SLC5A4: variants seen among roughly 807,000 people sequenced by gnomAD.
SLC5A4 encodes the protein solute carrier family 5 member 4.
A neutral mutation model predicts 70.3 loss-of-function variants in SLC5A4; 55 were observed. The observed-to-expected ratio is 0.78, with a 90% CI of 0.63 to 0.98. The LOEUF (loss-of-function observed/expected upper bound fraction) is 0.98. Ranked by LOEUF, SLC5A4 falls within the 50% of genes least tolerant of loss-of-function variation. SLC5A4 has a pLI of 0.00. For missense variants in SLC5A4, 735 were observed against 839.2 expected, an observed-to-expected ratio of 0.88 and a Z score of 1.53; for synonymous variants, 268 against 305.7, an observed-to-expected ratio of 0.88 and a Z score of 1.29.
rs780545498 is a variant in SLC5A4 at position 32,224,483 on chromosome 22, CTGCAAA to C, written c.1450-7_1450-2del. 1.2e-5 allele frequency: 19 copies of C among 1,608,328 alleles called. No homozygotes were observed. Among genetic ancestry groups the C allele is most frequent in the Non-Finnish European group, 1.6e-5 (19 of 1,175,182 alleles). On this transcript the variant is annotated splice_acceptor_variant and splice_polypyrimidine_tract_variant and intron_variant, in intron 12 of 14. Transcript: ENST00000266086. LOFTEE classifies it high-confidence loss of function. ...CAACCATTAGACCCCAGAATGCTCC[CTGCAAA>C]AGAAGCAAGAAGAAAATCAGAATGT...
At chr22:32,237,054 T>C (rs1245585276) in intron 7 of SLC5A4, among the ~76,000 whole-genome samples, 190 bp downstream of exon 7, 1 of 152,130 alleles carries the variant, frequency 6.6e-6, no homozygotes, top group African/African-American at 2.4e-5. Flanking sequence ...CCACCATCCA[T>C]TTCCTCATGC....
chr22:32,312,494 T>C, the SLC5A4 span, among the ~76,000 whole-genome samples: 3 of 152,064 alleles, frequency 2.0e-5, no homozygotes, highest in Non-Finnish European at 4.4e-5. Flanking sequence ...CAGGCCTCAA[T>C]CCTCCTGGCT....
At chr22:32,343,876 T>G in the SLC5A4 span, among the ~76,000 whole-genome samples, 273 of 152,330 alleles carry the variant, frequency 1.8e-3, 1 homozygote, top group Middle Eastern at 6.8e-3. Flanking sequence ...TTCCACTGGT[T>G]TGTTATATTG....
Position 32,235,083 on chromosome 22 carries a change from T to A in SLC5A4, c.675A>T (p.Glu225Asp). The A allele has an allele frequency of 6.2e-7, 1 of 1,612,156 alleles. No homozygotes were observed. The highest frequency in any genetic ancestry group is 8.5e-7 in the Non-Finnish European group (1 of 1,178,798). Residue 225 changes from glutamate to aspartate, a missense_variant, in exon 8 of 15, where the codon GAA becomes GAT. By Grantham distance (45) the Glu-to-Asp change is conservative. Coordinates refer to ENST00000266086, the MANE Select transcript of SLC5A4 (RefSeq NM_014227.3). ...SFILMGFAFN[E>D]VGGYESFTEK... ...CGGTAAAGCTCTCATAACCTCCAACTTCGTTAAATGCTAAAAAGGCATCAG... is the reference window on the plus strand; with the variant it reads ...CGGTAAAGCTCTCATAACCTCCAACATCGTTAAATGCTAAAAAGGCATCAG...
At chr22:32,318,314 C>G in the SLC5A4 span, among the ~76,000 whole-genome samples, 1 of 151,954 alleles carries the variant, frequency 6.6e-6, no homozygotes, top group Non-Finnish European at 1.5e-5. Flanking sequence ...GCCTCAAACT[C>G]TCATCTAAAC....
the SLC5A4 span, among the ~76,000 whole-genome samples, chr22:32,338,737 C>T: frequency 6.6e-6 from 1 of 152,176 alleles, no homozygotes; most frequent in Non-Finnish European, 1.5e-5. Context: ...CCAGTGCCCT[C>T]AAAAGCTGCC....
At chr22:32,243,519 A>G (rs766941041) in intron 5 of SLC5A4, among the ~76,000 whole-genome samples, 46 of 152,208 alleles carry the variant, frequency 3.0e-4, no homozygotes, top group Non-Finnish European at 5.7e-4. Context: ...TTTGCAAGAA[A>G]TTATCCCTGC....
the SLC5A4 span, among the ~76,000 whole-genome samples, chr22:32,291,992 T>C: frequency 2.1e-5 from 3 of 144,952 alleles, no homozygotes; most frequent in African/African-American, 7.6e-5. Flanking sequence ...CGTGCCTCAG[T>C]CTCCTGAGAA....
At chr22:32,233,831 A>T (rs913249403) in intron 8 of SLC5A4, among the ~76,000 whole-genome samples, 16 of 151,774 alleles carry the variant, frequency 1.1e-4, no homozygotes, top group African/African-American at 3.6e-4. Flanking sequence ...AAGGAAGAAA[A>T]CAAGAATTAA....
At chr22:32,327,767 G>T in the SLC5A4 span, among the ~76,000 whole-genome samples, 2 of 152,276 alleles carry the variant, frequency 1.3e-5, no homozygotes, top group African/African-American at 2.4e-5. Context: ...GTGTCCTGAC[G>T]GATGTAGTCA....
chr22:32,307,936 T>C, the SLC5A4 span, among the ~76,000 whole-genome samples: 1 of 68,142 alleles, frequency 1.5e-5, no homozygotes, highest in Admixed American at 1.9e-4. Context: ...GATTCTTACA[T>C]GTTTCCAACC....
chr22:32,330,411 TG>T, the SLC5A4 span, among the ~76,000 whole-genome samples: 3 of 54,320 alleles, frequency 5.5e-5, no homozygotes, highest in Non-Finnish European at 1.0e-4. Context: ...TCTGGTGTGT[TG>T]GGGGGCTCTG....
At chr22:32,291,301 G>A in the SLC5A4 span, among the ~76,000 whole-genome samples, 4 of 148,850 alleles carry the variant, frequency 2.7e-5, no homozygotes, top group Admixed American at 2.7e-4. Context: ...TCAGCCTCCC[G>A]AGTAGCTGGG....
the SLC5A4 span, chr22:32,271,399 A>C: frequency 2.6e-6 from 2 of 766,058 alleles, no homozygotes; most frequent in African/African-American, 1.7e-5. Flanking sequence ...CTGCTGGTGC[A>C]TGTGGACCAA....
chr22:32,340,666 T>C, the SLC5A4 span, among the ~76,000 whole-genome samples: 1 of 152,064 alleles, frequency 6.6e-6, no homozygotes. Context: ...GCCCTGCTGG[T>C]ATCCCGGAGG....
the SLC5A4 span, among the ~76,000 whole-genome samples, chr22:32,300,199 A>G: frequency 7.2e-5 from 11 of 152,122 alleles, no homozygotes; most frequent in Non-Finnish European, 1.3e-4. Context: ...TGAGCTTCCC[A>G]GCTGCTTTGT....
At chr22:32,342,195 G>A in the SLC5A4 span, among the ~76,000 whole-genome samples, 31,175 of 152,022 alleles carry the variant, frequency 0.21, 3,476 homozygotes, top group East Asian at 0.35. Context: ...AAAACATGAA[G>A]TTTGCTTTAG....
Position 32,249,686 on chromosome 22 carries a change from C to T in SLC5A4, c.313-884G>A, listed in dbSNP as rs567887565. On this transcript the variant is annotated intron_variant, in intron 3 of 14. Transcript: ENST00000266086. ...ATCCAACTTTCCTTTACACAGGCAT[C>T]GTCTTCTGCCGAATATGCACATGCA... is the stretch of plus-strand genomic sequence containing the variant. Among the ~76,000 whole-genome samples, 8 of 152,324 alleles carry T rather than the reference C, an allele frequency of 5.3e-5. No homozygotes were observed. The East Asian group carries it at 7.7e-4, about 15-fold the overall frequency.
At chr22:32,327,407 C>G in the SLC5A4 span, 2 of 152,300 alleles carry the variant, frequency 1.3e-5, no homozygotes, top group Non-Finnish European at 2.9e-5. Context: ...CCCTGGTGGA[C>G]CCATGGGATG....
Sources: allele counts gnomAD v4.1 joint callset (sites outside exome capture counted in the v4.1 genomes callset), GRCh38; gene constraint gnomAD v4.1.1; transcripts MANE v1.5; gene names NCBI Gene and HGNC (gene_info 2026-07-23, HGNC 2026-07-21).